The following CDRT4 variants were observed in gnomAD, a reference collection of about 807,000 sequenced individuals.
The protein encoded by CDRT4 is CMT1A duplicated region transcript 4, also known as CMT1A duplicated region transcript 4 protein.
For missense variants in CDRT4, 167 were observed against 193.1 expected (o/e 0.87, Z 0.80); for synonymous variants, 64 against 69.6 (o/e 0.92, Z 0.40).
intron 1 of CDRT4, among the ~76,000 whole-genome samples, chr17:15,458,196 C>T (rs1417292278): frequency 6.6e-6 from 1 of 152,170 alleles, no homozygotes; most frequent in African/African-American, 2.4e-5. Flanking sequence ...AGGGTCCCAC[C>T]CTGTTTCCTC....
intron 1 of CDRT4, among the ~76,000 whole-genome samples, chr17:15,456,599 G>A (rs1349678425): frequency 7.6e-6 from 1 of 131,790 alleles, no homozygotes; most frequent in Non-Finnish European, 1.5e-5. Flanking sequence ...CACACACACG[G>A]CTCAGGAGTA....
At chr17:15,442,185 C>T (rs1037479891) in intron 2 of CDRT4, among the ~76,000 whole-genome samples, 13 of 152,006 alleles carry the variant, frequency 8.6e-5, no homozygotes, top group Admixed American at 8.5e-4. Context: ...CCACGACGGG[C>T]GGATCACCTG....
At chr17:15,445,264 GC>G (rs1458864977) in intron 2 of CDRT4, among the ~76,000 whole-genome samples, 2 of 152,202 alleles carry the variant, frequency 1.3e-5, no homozygotes, top group Admixed American at 1.3e-4. Flanking sequence ...AAAAGAAGGG[GC>G]CCATGGCAAA....
intron 2 of CDRT4, 67 bp from the exon 3 acceptor site, chr17:15,440,352 G>A: frequency 1.3e-6 from 2 of 1,560,406 alleles, no homozygotes; most frequent in Non-Finnish European, 1.7e-6. Context: ...GCCACCCTGG[G>A]TGGGGGTGGT....
chr17:15,447,333 G>A (rs1979070822), intron 2 of CDRT4, among the ~76,000 whole-genome samples: 1 of 152,070 alleles, frequency 6.6e-6, no homozygotes, highest in Non-Finnish European at 1.5e-5. Flanking sequence ...TGTCAAGAAG[G>A]AGGTTCAAGA....
intron 1 of CDRT4, among the ~76,000 whole-genome samples, chr17:15,460,130 T>C (rs185293719): frequency 6.6e-5 from 10 of 152,250 alleles, no homozygotes; most frequent in Admixed American, 2.0e-4. Flanking sequence ...TCCTCAAAGA[T>C]AGTTTATAGG....
intron 1 of CDRT4, among the ~76,000 whole-genome samples, chr17:15,461,181 C>T (rs1979731590): frequency 6.6e-6 from 1 of 152,132 alleles, no homozygotes; most frequent in South Asian, 2.1e-4. Flanking sequence ...TTCTGCCTGC[C>T]CTCTTAGAAC....
At chr17:15,447,952 T>C (rs1979099300) in intron 2 of CDRT4, among the ~76,000 whole-genome samples, 1 of 152,180 alleles carries the variant, frequency 6.6e-6, no homozygotes, top group Admixed American at 6.5e-5. Flanking sequence ...TGAAAGGCTT[T>C]AAGCAATTTG....
chr17:15,457,332 G>A (rs1979532071), intron 1 of CDRT4, among the ~76,000 whole-genome samples: 1 of 152,112 alleles, frequency 6.6e-6, no homozygotes, highest in Non-Finnish European at 1.5e-5. Flanking sequence ...TCTCATTCCC[G>A]GATGCGTTTT....
intron 2 of CDRT4, 106 bp downstream of exon 2, chr17:15,452,898 A>G (rs1216557434): frequency 6.6e-6 from 1 of 151,876 alleles, no homozygotes; most frequent in African/African-American, 2.4e-5. Flanking sequence ...CTCTCTCCTT[A>G]AATTGTGTTT....
At chr17:15,449,105 T>G (rs550157219) in intron 2 of CDRT4, among the ~76,000 whole-genome samples, 47 of 152,334 alleles carry the variant, frequency 3.1e-4, no homozygotes, top group African/African-American at 1.1e-3. Flanking sequence ...ACCAGTTCAA[T>G]CCACCTGTGG....
At chr17:15,456,145 AAAGT>A in intron 1 of CDRT4, among the ~76,000 whole-genome samples, 3 of 152,332 alleles carry the variant, frequency 2.0e-5, no homozygotes, top group Admixed American at 2.0e-4. Flanking sequence ...CATTTCTACT[AAAGT>A]AAGGGAACCT....
At position 15,438,176 on chromosome 17, in the gene CDRT4, G is replaced by C; in HGVS notation, c.56C>G (p.Pro19Arg). The change falls in exon 4 of 4, where the codon CCC becomes CGC. Residue 19 changes from proline (P) to arginine (R), a missense_variant. Coordinates refer to ENST00000619038, the MANE Select transcript of CDRT4 (RefSeq NM_001204477.2). The stretch of plus-strand genomic sequence containing the variant: ...GTCATGTTTTTCAAGTAGCTTCCGG[G>C]GAAGTCCAGTGTTTTCTGTGAGTCC... ...EEGLTENTGL[P>R]RKLLEKHDPW... 6.2e-7 allele frequency: 1 copy of C among 1,613,912 alleles called. No homozygotes were observed. Among genetic ancestry groups the C allele is most frequent in the Non-Finnish European group, 8.5e-7 (1 of 1,179,902 alleles).
intron 1 of CDRT4, among the ~76,000 whole-genome samples, chr17:15,453,769 A>C (rs887180240): frequency 1.3e-5 from 2 of 152,214 alleles, no homozygotes; most frequent in African/African-American, 4.8e-5. Context: ...GCACGAGTTC[A>C]AGACAGGTCA....
At chr17:15,443,445 A>G (rs956475435) in intron 2 of CDRT4, among the ~76,000 whole-genome samples, 13 of 59,156 alleles carry the variant, frequency 2.2e-4, no homozygotes, top group African/African-American at 6.4e-4. Context: ...ATAGCTGGAT[A>G]ATTTTTTTTT....
intron 2 of CDRT4, among the ~76,000 whole-genome samples, chr17:15,442,788 G>A (rs192299118): frequency 6.6e-6 from 1 of 152,340 alleles, no homozygotes; most frequent in Admixed American, 6.5e-5. Context: ...GAGTGTTTGA[G>A]ACTGCCTCAA....
In CDRT4 at chr17:15,437,747, A is replaced by G. The variant is rs141229496; in HGVS notation, c.*26T>C. 6.2e-7 allele frequency: 1 copy of G among 1,606,118 alleles called. No homozygotes were observed. Among genetic ancestry groups the G allele is most frequent in the African/African-American group, 1.3e-5 (1 of 74,818 alleles). On this transcript the variant is annotated 3_prime_UTR_variant, in exon 4 of 4. Transcript: ENST00000619038. Reference sequence around the variant, plus strand: ...AATGGCTGCAGGGACCCCTGGCTAAAACATTTGCATGTTTCTCCTTGTTGG... The same window carrying G: ...AATGGCTGCAGGGACCCCTGGCTAAGACATTTGCATGTTTCTCCTTGTTGG...
At chr17:15,438,430 A>G (rs1361876100) in intron 3 of CDRT4, among the ~76,000 whole-genome samples, 2 of 152,236 alleles carry the variant, frequency 1.3e-5, no homozygotes, top group Non-Finnish European at 1.5e-5. Context: ...AGAGTCAAAC[A>G]GATCTGATTG....
intron 3 of CDRT4, among the ~76,000 whole-genome samples, chr17:15,439,651 C>T (rs1172476931): frequency 1.3e-5 from 2 of 152,146 alleles, no homozygotes; most frequent in Non-Finnish European, 2.9e-5. Context: ...AGAGTGGCTG[C>T]CCGCACTATT....
Sources: allele counts gnomAD v4.1 joint callset (sites outside exome capture counted in the v4.1 genomes callset), GRCh38; gene constraint gnomAD v4.1.1; transcripts MANE v1.5; gene names NCBI Gene and HGNC (gene_info 2026-07-23, HGNC 2026-07-21).